Variants in CGN observed in about 807,000 individuals in gnomAD.
CGN encodes cingulin.
In CGN, 121 loss-of-function variants were observed where a neutral mutation model predicts 157.1. That is an observed-to-expected ratio of 0.77 (90% CI 0.66 to 0.90). The LOEUF (loss-of-function observed/expected upper bound fraction) is 0.90. Among genes scored for constraint, CGN ranks in the 40% least tolerant of loss-of-function variants. The pLI, the probability that CGN is intolerant of heterozygous loss-of-function variation, is 0.00. For synonymous variants in CGN, 535 were observed against 607.5 expected, an observed-to-expected ratio of 0.88 and a Z score of 1.76; for missense variants, 1,424 against 1,520.9, an observed-to-expected ratio of 0.94 and a Z score of 1.06.
chr1:151,528,330 C>A (rs982721744), intron 10 of CGN, among the ~76,000 whole-genome samples: 10 of 151,794 alleles, frequency 6.6e-5, no homozygotes, highest in African/African-American at 2.4e-4. Flanking sequence ...CTAGCCATAC[C>A]TTCATGTACT....
Position 151,536,891 on chromosome 1 carries a change from C to G in CGN, c.3468C>G (p.Ser1156=). ...QARIKSLEKD[S]WRKASRSAAE... ...GGATCAAGTCTCTGGAGAAGGACTC[C>G]TGGTATGGGCTACCCTTTTGCCCTT... Residue 1156 remains serine (S), a splice_region_variant and synonymous_variant, in exon 20 of 21, where the codon TCC becomes TCG. Transcript: ENST00000271636. 6.2e-7 allele frequency: 1 copy of G among 1,613,772 alleles called. No homozygotes were observed. The highest frequency in any genetic ancestry group is 8.5e-7 in the Non-Finnish European group (1 of 1,179,892).
At chr1:151,516,180 G>C (rs1395103063) in intron 1 of CGN, among the ~76,000 whole-genome samples, 1 of 152,086 alleles carries the variant, frequency 6.6e-6, no homozygotes, top group Non-Finnish European at 1.5e-5. Context: ...ATCTCACCCT[G>C]GCTTGCTAGC....
intron 10 of CGN, among the ~76,000 whole-genome samples, chr1:151,528,335 T>C (rs1399207650): frequency 6.6e-6 from 1 of 151,906 alleles, no homozygotes; most frequent in Non-Finnish European, 1.5e-5. Flanking sequence ...CATACCTTCA[T>C]GTACTCTCCC....
At chr1:151,531,962 T>C (rs1416723800) in intron 13 of CGN, among the ~76,000 whole-genome samples, 2 of 152,226 alleles carry the variant, frequency 1.3e-5, no homozygotes, top group Admixed American at 6.5e-5. Context: ...TTATACCTTA[T>C]GGTATGTTAT....
chr1:151,537,124 G>T, intron 20 of CGN, 81 bp from the exon 21 acceptor site: 2 of 1,475,732 alleles, frequency 1.4e-6, no homozygotes, highest in South Asian at 1.3e-5. Flanking sequence ...GAAGAATTGG[G>T]GTTTCCTTTG....
Position 151,532,492 on chromosome 1 carries a change from G to T in CGN, c.2662G>T (p.Ala888Ser), listed in dbSNP as rs541547252. The T allele has an allele frequency of 1.2e-6, 2 of 1,610,220 alleles. No individual in the cohort carries two copies. Among genetic ancestry groups the T allele is most frequent in the East Asian group, 4.5e-5 (2 of 44,446 alleles). Residue 888 changes from alanine (A) to serine (S), a missense_variant, in exon 14 of 21, where the codon GCA becomes TCA. By Grantham distance (99) the Ala-to-Ser change is moderately conservative (BLOSUM62 1). Transcript: ENST00000271636. ...TAAGGAAAAGGCCCGGCGGGAGGTG[G>T]CAGATGCCCAGCGCCAGGCCAAGGA... is the stretch of plus-strand genomic sequence containing the variant. ...DYKEKARREV[A>S]DAQRQAKDWA...
At chr1:151,511,298 C>T (rs1664279042), upstream of CGN, 1 of 152,888 alleles carries the variant, frequency 6.5e-6, no homozygotes, top group Admixed American at 6.5e-5. This position sits in a 1 kb window ranked among gnomAD's most constrained non-coding sequence, Gnocchi z 4.8. Flanking sequence ...GCGGACCAAC[C>T]GGAGCGGGGA....
At chr1:151,526,916 C>A in intron 9 of CGN, 59 bp from the exon 10 acceptor site, 1 of 1,608,360 alleles carries the variant, frequency 6.2e-7, no homozygotes, top group East Asian at 2.2e-5. Context: ...GCTAACCTCC[C>A]CCAGGCATGT....
intron 13 of CGN, 126 bp downstream of exon 13, chr1:151,530,872 G>T: frequency 1.0e-6 from 1 of 968,686 alleles, no homozygotes; most frequent in East Asian, 2.7e-5. Flanking sequence ...CAGGTGCGGT[G>T]ACTCACTCCT....
At position 151,524,174 on chromosome 1, in the gene CGN, C is replaced by T. The variant is rs1431168816; in HGVS notation, c.1269-52C>T. On this transcript the variant is annotated intron_variant, in intron 6 of 20. Coordinates refer to ENST00000271636, the MANE Select transcript of CGN (RefSeq NM_020770.3). This position sits in a 1 kb window ranked among gnomAD's most constrained non-coding sequence, Gnocchi z 4.4. ...TAAATATGAATTAAAATATATGATG[C>T]GTTTAGAGAACTGCCTGACACATAG... 10 of 1,410,442 alleles carry T rather than the reference C, an allele frequency of 7.1e-6. No individual in the cohort carries two copies. The highest frequency in any genetic ancestry group is 1.8e-4 in the Middle Eastern group (1 of 5,612). The allele number at this position is 1,410,442 out of a possible 1,614,324, so 87.4% of individuals were successfully genotyped here.
In CGN at chr1:151,520,400, C is replaced by T. The variant is rs1264113971; in HGVS notation, c.975-14C>T. On this transcript the variant is annotated splice_polypyrimidine_tract_variant and intron_variant, in intron 3 of 20. Coordinates refer to ENST00000271636, the MANE Select transcript of CGN (RefSeq NM_020770.3). ...TCCTCCCCTAACCCTTGCTTCTATC[C>T]TTTTATCCTCTAGAAGCTCAGAAAG... 5 of 1,612,062 alleles carry T rather than the reference C, an allele frequency of 3.1e-6. No individual in the cohort carries two copies. Among genetic ancestry groups the T allele is most frequent in the Non-Finnish European group, 3.4e-6 (4 of 1,178,206 alleles).
At chr1:151,530,865 G>A in intron 13 of CGN, 119 bp downstream of exon 13, 1 of 1,081,750 alleles carries the variant, frequency 9.2e-7, no homozygotes, top group Non-Finnish European at 1.3e-6. Flanking sequence ...TTATGGCCAG[G>A]TGCGGTGACT....
At chr1:151,526,744 G>C (rs1202480776) in intron 9 of CGN, among the ~76,000 whole-genome samples, 1 of 152,192 alleles carries the variant, frequency 6.6e-6, no homozygotes, top group Non-Finnish European at 1.5e-5. Context: ...AAATTGCTGG[G>C]ATTACAGGCA....
chr1:151,535,243 G>C, intron 16 of CGN, 112 bp downstream of exon 16: 1 of 837,346 alleles, frequency 1.2e-6, no homozygotes, highest in Non-Finnish European at 1.9e-6. Flanking sequence ...GAATCTGTGC[G>C]TGGCTGGGTC....
intron 8 of CGN, 122 bp downstream of exon 8, chr1:151,525,008 GAC>G (rs1305417744): frequency 1.3e-6 from 1 of 771,086 alleles, no homozygotes; most frequent in Non-Finnish European, 2.1e-6. Context: ...CCTCCTAAAG[GAC>G]ACAGTGAGAT....
At chr1:151,521,372 C>T (rs964870627) in intron 5 of CGN, among the ~76,000 whole-genome samples, 24 of 152,170 alleles carry the variant, frequency 1.6e-4, no homozygotes, top group African/African-American at 5.8e-4. Flanking sequence ...GGCTGTGGAG[C>T]CAAACTAACT....
chr1:151,527,551 G>A (rs1383577028), intron 10 of CGN, among the ~76,000 whole-genome samples: 1 of 152,036 alleles, frequency 6.6e-6, no homozygotes, highest in Non-Finnish European at 1.5e-5. Context: ...ATCATCACAT[G>A]GACTGGAATA....
chr1:151,520,305 CCTT>C (rs768633353), intron 3 of CGN, 39 bp downstream of exon 3: 2 of 1,570,568 alleles, frequency 1.3e-6, no homozygotes, highest in Non-Finnish European at 1.8e-6. Context: ...GCATACCCCT[CCTT>C]CTTTTTCTTC....
At chr1:151,535,267 T>A (rs1664943629) in intron 16 of CGN, 136 bp downstream of exon 16, 1 of 715,750 alleles carries the variant, frequency 1.4e-6, no homozygotes, top group African/African-American at 1.8e-5. Flanking sequence ...TTCAGGGTTT[T>A]GTCTGCTTTG....
Sources: gnomAD v4.1 joint callset for allele counts (sites outside exome capture counted in the v4.1 genomes callset) on GRCh38, gnomAD v4.1.1 for gene constraint, Gnocchi (gnomAD v3.1) non-coding constraint, MANE v1.5 for transcripts, NCBI Gene and HGNC (gene_info 2026-07-23, HGNC 2026-07-21) for gene names.